Variants in C19orf81 observed in about 807,000 individuals in gnomAD.
C19orf81 encodes putative uncharacterized protein C19orf81.
A neutral mutation model predicts 22.1 loss-of-function variants in C19orf81; 19 were observed. That is an observed-to-expected ratio of 0.86 (90% CI 0.60 to 1.26). The LOEUF is 1.26. Among genes scored for constraint, C19orf81 ranks in the 50% most tolerant of loss-of-function variants. The pLI is 0.00. For missense variants in C19orf81, 287 were observed against 280.7 expected (o/e 1.02, Z -0.16); for synonymous variants, 108 against 113.1 (o/e 0.95, Z 0.29).
intron 1 of C19orf81, among the ~76,000 whole-genome samples, chr19:50,651,366 T>C (rs1268917334): frequency 6.6e-6 from 1 of 152,234 alleles, no homozygotes; most frequent in East Asian, 1.9e-4. Context: ...TCTTATTCTT[T>C]AGGTCTCACT....
chr19:50,657,860 G>A, intron 3 of C19orf81, 129 bp from the exon 4 acceptor site: 2 of 1,244,428 alleles, frequency 1.6e-6, no homozygotes, highest in Non-Finnish European at 2.1e-6. Context: ...GATTAAGAGC[G>A]ATCCTTGCCC....
Position 50,658,272 on chromosome 19 carries a change from A to G in C19orf81, c.401+144A>G, listed in dbSNP as rs144937429. On this transcript the variant is annotated intron_variant, in intron 4 of 4. Coordinates refer to ENST00000425202, the MANE Select transcript of C19orf81 (RefSeq NM_001195076.2). ...AATGGGCGGGGCCCGGGGCGACTAGATAAGAGCGTGGTTGGTGTAAGGGTG... is the reference window on the plus strand; with the variant it reads ...AATGGGCGGGGCCCGGGGCGACTAGGTAAGAGCGTGGTTGGTGTAAGGGTG... 1.8e-4 allele frequency: 161 copies of G among 876,790 alleles called. 1 individual carries two copies. The African/African-American group carries it at 2.3e-3, about 13-fold the overall frequency. 54.3% of individuals were successfully genotyped at this position (876,790 alleles called of 1,614,324 possible). A position where few individuals can be genotyped will look rare whatever the true frequency, so the allele number is the denominator to read the frequency against.
chr19:50,659,239 A>C lies in C19orf81; in HGVS notation c.*97A>C. 9.3e-7 allele frequency: 1 copy of C among 1,074,902 alleles called. No individual in the cohort carries two copies. Among genetic ancestry groups the C allele is most frequent in the East Asian group, 3.3e-5 (1 of 30,302 alleles). The allele number at this position is 1,074,902 out of a possible 1,614,324, so 66.6% of individuals were successfully genotyped here. On this transcript the variant is annotated 3_prime_UTR_variant, in exon 5 of 5. Coordinates refer to ENST00000425202, the MANE Select transcript of C19orf81 (RefSeq NM_001195076.2). ...GACAGGGGGCGTTGCCTTCCCAGGAAGGAGGCGGGGCCGGCTCGAGGGGGT... is the reference window on the plus strand; with the variant it reads ...GACAGGGGGCGTTGCCTTCCCAGGACGGAGGCGGGGCCGGCTCGAGGGGGT...
chr19:50,653,938 G>A (rs1984936857), intron 1 of C19orf81, among the ~76,000 whole-genome samples: 1 of 152,012 alleles, frequency 6.6e-6, no homozygotes, highest in Admixed American at 6.5e-5. Context: ...TGGGGTTAAT[G>A]AAAAAGCAGC....
chr19:50,652,117 G>A (rs968207491), intron 1 of C19orf81, among the ~76,000 whole-genome samples: 28 of 152,134 alleles, frequency 1.8e-4, no homozygotes, highest in Non-Finnish European at 3.5e-4. Context: ...CCAAAGTGCC[G>A]GGATGATAGG....
At chr19:50,658,895 C>A in intron 4 of C19orf81, 52 bp from the exon 5 acceptor site, 2 of 1,370,838 alleles carry the variant, frequency 1.5e-6, no homozygotes, top group Non-Finnish European at 9.6e-7. Flanking sequence ...ACGATCAAAG[C>A]CAGGGCTGAA....
intron 1 of C19orf81, among the ~76,000 whole-genome samples, chr19:50,653,682 GCACACACACACACACACACACACA>G (rs57915687): frequency 2.1e-3 from 250 of 121,922 alleles, no homozygotes; most frequent in Middle Eastern, 0.02. Context: ...ATGAGAGACA[GCACACACACACACACACACACACA>G]CACACACACA....
Position 50,659,072 on chromosome 19 carries a change from A to C in C19orf81, c.527A>C (p.His176Pro), listed in dbSNP as rs1462161507. ...DDLLLGDYRL[H>P]LRRSLVRRRM... ...CTCCTGCTGGGCGACTACCGCCTGCACCTGCGCCGCTCCCTGGTCCGGCGG... is the reference window on the plus strand; with the variant it reads ...CTCCTGCTGGGCGACTACCGCCTGCCCCTGCGCCGCTCCCTGGTCCGGCGG... The change falls in exon 5 of 5, where the codon CAC (histidine) becomes CCC (proline). Residue 176 changes from histidine to proline, a missense_variant. Transcript: ENST00000425202. The C allele has an allele frequency of 2.0e-6, 3 of 1,520,204 alleles. No individual in the cohort carries two copies. Among genetic ancestry groups the C allele is most frequent in the African/African-American group, 2.8e-5 (2 of 71,500 alleles). 94.2% of individuals were successfully genotyped at this position (1,520,204 alleles called of 1,614,324 possible). A position where few individuals can be genotyped will look rare whatever the true frequency, so the allele number is the denominator to read the frequency against.
In C19orf81 at chr19:50,656,123, G is replaced by C; in HGVS notation, c.140+1G>C. The C allele has an allele frequency of 6.5e-7, 1 of 1,536,112 alleles. No homozygotes were observed. Among genetic ancestry groups the C allele is most frequent in the Middle Eastern group, 1.7e-4 (1 of 5,990 alleles). On this transcript the variant is annotated splice_donor_variant, in intron 2 of 4. Coordinates refer to ENST00000425202, the MANE Select transcript of C19orf81 (RefSeq NM_001195076.2). LOFTEE classifies it high-confidence loss of function. The stretch of plus-strand genomic sequence containing the variant: ...GCCTGGGCAGGCCCATCAAATCCTC[G>C]TGAGTTGTCCCTGGCCCCCATGACC...
rs146759339 is a variant in C19orf81 at position 50,659,220 on chromosome 19, G to A, written c.*78G>A. ...CCCACCCGGAGCCCCGGAGGACAGGGGGCGTTGCCTTCCCAGGAAGGAGGC... is the reference window on the plus strand; with the variant it reads ...CCCACCCGGAGCCCCGGAGGACAGGAGGCGTTGCCTTCCCAGGAAGGAGGC... On this transcript the variant is annotated 3_prime_UTR_variant, in exon 5 of 5. Coordinates refer to ENST00000425202, the MANE Select transcript of C19orf81 (RefSeq NM_001195076.2). 1,046 of 1,199,414 alleles carry A rather than the reference G, an allele frequency of 8.7e-4. 18 individuals carry two copies. In the East Asian group the frequency reaches 0.027, roughly 31 times the overall value. The allele number at this position is 1,199,414 out of a possible 1,614,324, so 74.3% of individuals were successfully genotyped here. A position where few individuals can be genotyped will look rare whatever the true frequency, so the allele number is the denominator to read the frequency against.
Position 50,659,302 on chromosome 19 carries a change from C to T in C19orf81, c.*160C>T, listed in dbSNP as rs1985091345. 2 of 552,636 alleles carry T rather than the reference C, an allele frequency of 3.6e-6. No homozygotes were observed. Among genetic ancestry groups the T allele is most frequent in the Non-Finnish European group, 5.4e-6 (2 of 367,984 alleles). 34.2% of individuals were successfully genotyped at this position (552,636 alleles called of 1,614,324 possible). A position where few individuals can be genotyped will look rare whatever the true frequency, so the allele number is the denominator to read the frequency against. ...TTTAATTATAAAGAATGACCTGGTA[C>T]AAAAGCCATTTCTCTCTGCAAAATC... On this transcript the variant is annotated 3_prime_UTR_variant, in exon 5 of 5. Coordinates refer to ENST00000425202, the MANE Select transcript of C19orf81 (RefSeq NM_001195076.2).
At chr19:50,652,285 A>G (rs1007344807) in intron 1 of C19orf81, among the ~76,000 whole-genome samples, 3 of 152,236 alleles carry the variant, frequency 2.0e-5, no homozygotes, top group African/African-American at 7.2e-5. Context: ...GCTTTATTCA[A>G]TAAATACTAA....
intron 1 of C19orf81, 181 bp downstream of exon 1, chr19:50,649,692 T>C (rs35816100): frequency 0.1 from 73,656 of 722,500 alleles, 5,748 homozygotes; most frequent in African/African-American, 0.28. Context: ...AAACTACATT[T>C]CCCATGAGCC....
chr19:50,658,419 A>T, intron 4 of C19orf81: 1 of 366,126 alleles, frequency 2.7e-6, no homozygotes, highest in Non-Finnish European at 5.0e-6. Flanking sequence ...GATAAGAGCG[A>T]GATTGGTGCA....
intron 1 of C19orf81, among the ~76,000 whole-genome samples, chr19:50,655,661 CA>C (rs1170885197): frequency 6.8e-6 from 1 of 146,578 alleles, no homozygotes; most frequent in Non-Finnish European, 1.5e-5. Flanking sequence ...AAAAAAAAAA[CA>C]AAAAACCTGA....
chr19:50,657,358 G>A (rs1368007369), intron 3 of C19orf81, among the ~76,000 whole-genome samples: 1 of 152,182 alleles, frequency 6.6e-6, no homozygotes, highest in African/African-American at 2.4e-5. Flanking sequence ...TTCTGGAAGT[G>A]ACATCATTTT....
chr19:50,650,585 C>CTTGAACCCAGGAGAATT (rs1984855317), intron 1 of C19orf81, among the ~76,000 whole-genome samples: 1 of 152,106 alleles, frequency 6.6e-6, no homozygotes, highest in African/African-American at 2.4e-5. Context: ...GCAGGAGAAT[C>CTTGAACCCAGGAGAATT]GCTTGAACCC....
chr19:50,655,657 A>C (rs1477021490), intron 1 of C19orf81, among the ~76,000 whole-genome samples: 1 of 152,050 alleles, frequency 6.6e-6, no homozygotes, highest in Admixed American at 6.5e-5. Context: ...TCAAAAAAAA[A>C]AAACAAAAAA....
chr19:50,649,641 T>A, intron 1 of C19orf81, 130 bp downstream of exon 1: 4 of 1,033,274 alleles, frequency 3.9e-6, no homozygotes, highest in African/African-American at 1.6e-5. Context: ...CTAGCATTCC[T>A]GGATTCACCA....
Sources: gnomAD v4.1 joint callset for allele counts (sites outside exome capture counted in the v4.1 genomes callset) on GRCh38, gnomAD v4.1.1 for gene constraint, MANE v1.5 for transcripts, NCBI Gene and HGNC (gene_info 2026-07-23, HGNC 2026-07-21) for gene names.